MYOCD: variants seen among roughly 807,000 people sequenced by gnomAD.
MYOCD encodes the protein myocardin.
Under a neutral mutation model 96.1 loss-of-function variants are expected in MYOCD, and 32 were observed. The observed-to-expected ratio is 0.33, with a 90% confidence interval of 0.25 to 0.45. The LOEUF (loss-of-function observed/expected upper bound fraction) is 0.45. Ranked by LOEUF, MYOCD falls within the 20% of genes least tolerant of loss-of-function variation. The pLI is 1.00. For synonymous variants in MYOCD, 469 were observed against 469.0 expected, an observed-to-expected ratio of 1.00 and a Z score of 0.00; for missense variants, 1,133 against 1,200.6, an observed-to-expected ratio of 0.94 and a Z score of 0.83.
chr17:12,745,989 C>T lies in MYOCD; in HGVS notation c.1042C>T (p.Pro348Ser), dbSNP rs1259284548. The T allele has an allele frequency of 1.2e-6, 2 of 1,614,106 alleles. No homozygotes were observed. The highest frequency in any genetic ancestry group is 1.7e-6 in the Non-Finnish European group (2 of 1,180,042). Residue 348 changes from proline to serine, a missense_variant, in exon 9 of 14, where the codon CCT (proline) becomes TCT (serine). Physicochemically the swap from Pro to Ser is moderately conservative, Grantham distance 74. Coordinates refer to ENST00000425538, the MANE Select transcript of MYOCD (RefSeq NM_001146312.3). ...STPLSNTPLS[P>S]VKNSFSGQTG... ...GCCACTGAGCAATACCCCCTTGTCT[C>T]CTGTCAAAAACAGTTTTTCTGGACA...
chr17:12,675,199 A>T (rs759485940), intron 1 of MYOCD, among the ~76,000 whole-genome samples: 2 of 152,230 alleles, frequency 1.3e-5, no homozygotes, highest in Admixed American at 6.5e-5. Flanking sequence ...CTATTTTTTA[A>T]AAACTTCAAA....
At chr17:12,683,008 G>A (rs1910570961) in intron 1 of MYOCD, among the ~76,000 whole-genome samples, 1 of 152,104 alleles carries the variant, frequency 6.6e-6, no homozygotes, top group Non-Finnish European at 1.5e-5. Context: ...CAAACTGAAC[G>A]ACAGGACTGT....
chr17:12,752,984 C>A lies in MYOCD; in HGVS notation c.1696C>A (p.Leu566Met). 1 of 1,614,180 alleles carries A rather than the reference C, an allele frequency of 6.2e-7. No homozygotes were observed. The highest frequency in any genetic ancestry group is 8.5e-7 in the Non-Finnish European group (1 of 1,180,042). The change falls in exon 10 of 14, where the codon CTG (leucine) becomes ATG (methionine). Residue 566 changes from leucine (L) to methionine (M), a missense_variant. Coordinates refer to ENST00000425538, the MANE Select transcript of MYOCD (RefSeq NM_001146312.3). ...NCSEKKPLPF[L>M]AASIKQEEAV... Reference sequence around the variant, plus strand: ...TTCAGAGAAGAAGCCGCTGCCTTTCCTGGCTGCCTCCATCAAGCAGGAAGA... The same window carrying A: ...TTCAGAGAAGAAGCCGCTGCCTTTCATGGCTGCCTCCATCAAGCAGGAAGA...
chr17:12,697,584 G>C (rs778872420), intron 1 of MYOCD, among the ~76,000 whole-genome samples: 3 of 151,194 alleles, frequency 2.0e-5, no homozygotes, highest in Admixed American at 1.3e-4. Flanking sequence ...GGATGATCTC[G>C]ATCTCCTGAC....
At chr17:12,694,868 C>A (rs2030660094) in intron 1 of MYOCD, among the ~76,000 whole-genome samples, 2 of 97,344 alleles carry the variant, frequency 2.1e-5, no homozygotes, top group African/African-American at 8.2e-5. Context: ...GGTTCAATGA[C>A]TTAAGGAATA....
intron 13 of MYOCD, chr17:12,762,497 TGAG>T (rs1555536571): frequency 6.6e-6 from 1 of 151,888 alleles, no homozygotes; most frequent in Non-Finnish European, 1.5e-5. Flanking sequence ...TCACTGGAGT[TGAG>T]GAGGAAGTCG....
chr17:12,723,027 A>G lies in MYOCD; in HGVS notation c.415+19A>G. ...ATAAAAGGTAGTTAGAACAAATGGC[A>G]TGTCTCTCCTTGGTGCTATTGAGAT... On this transcript the variant is annotated intron_variant, in intron 5 of 13. Transcript: ENST00000425538. 6.2e-7 allele frequency: 1 copy of G among 1,608,058 alleles called. No individual in the cohort carries two copies. The highest frequency in any genetic ancestry group is 1.1e-5 in the South Asian group (1 of 89,792).
At chr17:12,666,797 A>G (rs1235033715) in intron 1 of MYOCD, among the ~76,000 whole-genome samples, 2 of 152,184 alleles carry the variant, frequency 1.3e-5, no homozygotes, top group Non-Finnish European at 2.9e-5. Flanking sequence ...TTTTTTCCCA[A>G]ACCATCTGAT....
intron 1 of MYOCD, among the ~76,000 whole-genome samples, chr17:12,676,865 T>C (rs1477041427): frequency 6.6e-6 from 1 of 152,226 alleles, no homozygotes; most frequent in Non-Finnish European, 1.5e-5. Flanking sequence ...CTCGAGTGCA[T>C]GCTTTTAAGC....
chr17:12,741,754 G>A (rs1245647357), intron 7 of MYOCD, among the ~76,000 whole-genome samples: 2 of 151,704 alleles, frequency 1.3e-5, no homozygotes, highest in East Asian at 3.9e-4. Context: ...CAACCTCACT[G>A]TAGTAGAAAG....
intron 9 of MYOCD, among the ~76,000 whole-genome samples, chr17:12,749,303 G>A (rs761498034): frequency 2.0e-5 from 3 of 151,938 alleles, no homozygotes; most frequent in African/African-American, 4.8e-5. Flanking sequence ...CAAGGTGGGC[G>A]GATCGCTTGA....
At chr17:12,667,584 T>C (rs1244534388) in intron 1 of MYOCD, among the ~76,000 whole-genome samples, 1 of 152,210 alleles carries the variant, frequency 6.6e-6, no homozygotes, top group African/African-American at 2.4e-5. Flanking sequence ...TGTAGATTTG[T>C]TTTCTATGAG....
chr17:12,752,834 GAGA>G lies in MYOCD; in HGVS notation c.1549_1551del (p.Lys517del). 6.2e-7 allele frequency: 1 copy of G among 1,614,060 alleles called. No homozygotes were observed. Among genetic ancestry groups the G allele is most frequent in the South Asian group, 1.1e-5 (1 of 91,068 alleles). On this transcript the variant is annotated inframe_deletion, in exon 10 of 14. Coordinates refer to ENST00000425538, the MANE Select transcript of MYOCD (RefSeq NM_001146312.3). ...TTCTGAGCTGGATGGGCTGGACTCC[GAGA>G]AGGACAAGATGCTGGTGGAGAAGCA...
chr17:12,748,255 ATAT>A (rs1445145671), intron 9 of MYOCD, among the ~76,000 whole-genome samples: 1 of 146,846 alleles, frequency 6.8e-6, no homozygotes, highest in Non-Finnish European at 1.5e-5. Flanking sequence ...TACCTTATTG[ATAT>A]TAAGAAATAA....
At position 12,736,155 on chromosome 17, in the gene MYOCD, C is replaced by G. The variant is rs371873193; in HGVS notation, c.416-6C>G. ...CTGACCAAGTTCCTGGATTTCACCCCCTCAGGTAACCAGGTGAGTTTCTCC... is the reference window on the plus strand; with the variant it reads ...CTGACCAAGTTCCTGGATTTCACCCGCTCAGGTAACCAGGTGAGTTTCTCC... On this transcript the variant is annotated splice_region_variant and splice_polypyrimidine_tract_variant and intron_variant, in intron 5 of 13. Coordinates refer to ENST00000425538, the MANE Select transcript of MYOCD (RefSeq NM_001146312.3). 6.2e-7 allele frequency: 1 copy of G among 1,613,702 alleles called. No individual in the cohort carries two copies. The highest frequency in any genetic ancestry group is 8.5e-7 in the Non-Finnish European group (1 of 1,179,746).
Position 12,758,251 on chromosome 17 carries a change from G to T in MYOCD, c.2331+38G>T, listed in dbSNP as rs187663432. ...TTTGTTCTTTATGGAAGAATAGACTGACTCAATGAACAGACATTGTTTGAT... is the reference window on the plus strand; with the variant it reads ...TTTGTTCTTTATGGAAGAATAGACTTACTCAATGAACAGACATTGTTTGAT... On this transcript the variant is annotated intron_variant, in intron 12 of 13. Transcript: ENST00000425538. 9 of 1,613,096 alleles carry T rather than the reference G, an allele frequency of 5.6e-6. No individual in the cohort carries two copies. In the Admixed American group the frequency reaches 6.7e-5, roughly 12 times the overall value.
At chr17:12,714,323 G>GCA (rs4054959) in intron 2 of MYOCD, among the ~76,000 whole-genome samples, 7,769 of 136,028 alleles carry the variant, frequency 0.057, 280 homozygotes, top group South Asian at 0.14. Flanking sequence ...TGAGGCACGT[G>GCA]CACACACACA....
intron 1 of MYOCD, among the ~76,000 whole-genome samples, chr17:12,696,992 C>T (rs533992229): frequency 2.6e-5 from 4 of 152,180 alleles, no homozygotes; most frequent in Admixed American, 2.0e-4. Flanking sequence ...TAAGGCCCAT[C>T]GCTGTGTCTC....
intron 1 of MYOCD, among the ~76,000 whole-genome samples, chr17:12,699,005 G>A (rs1180383875): frequency 3.3e-5 from 5 of 151,640 alleles, no homozygotes; most frequent in South Asian, 2.1e-4. Flanking sequence ...GCCTCCCAAA[G>A]TGCTGGGATT....
Sources: allele counts gnomAD v4.1 joint callset (sites outside exome capture counted in the v4.1 genomes callset), GRCh38; gene constraint gnomAD v4.1.1; transcripts MANE v1.5; gene names NCBI Gene and HGNC (gene_info 2026-07-23, HGNC 2026-07-21).